The following ARHGEF28 variants were observed in gnomAD, a reference collection of about 807,000 sequenced individuals.
The protein encoded by ARHGEF28 is Rho guanine nucleotide exchange factor 28, also known as 190 kDa guanine nucleotide exchange factor.
In ARHGEF28, 152 loss-of-function variants were observed where a neutral mutation model predicts 206.6. The observed-to-expected ratio is 0.74, with a 90% CI of 0.64 to 0.84. The LOEUF (loss-of-function observed/expected upper bound fraction) is 0.84, where lower values mean the gene tolerates loss of function less well. ARHGEF28 is among the 40% of genes least tolerant of loss of function. The probability of loss-of-function intolerance (pLI) is 0.00; values close to 1 mark genes in which losing one functional copy is unlikely to be tolerated. For synonymous variants in ARHGEF28, 763 were observed against 776.4 expected, an observed-to-expected ratio of 0.98 and a Z score of 0.29; for missense variants, 2,028 against 2,073.2, an observed-to-expected ratio of 0.98 and a Z score of 0.42.
intron 35 of ARHGEF28, among the ~76,000 whole-genome samples, chr5:73,917,570 CAG>C (rs1763279342): frequency 6.6e-6 from 1 of 152,214 alleles, no homozygotes; most frequent in South Asian, 2.1e-4. Context: ...CCAACTGGGC[CAG>C]GGCCATCCCG....
At chr5:73,690,525 CAAAAAAAA>C (rs71615796) in intron 2 of ARHGEF28, among the ~76,000 whole-genome samples, 31 of 23,374 alleles carry the variant, frequency 1.3e-3, no homozygotes, top group African/African-American at 2.7e-3. Flanking sequence ...TCTGTCTTTA[CAAAAAAAA>C]AAAAAAAAAA....
intron 1 of ARHGEF28, among the ~76,000 whole-genome samples, chr5:73,634,924 T>G (rs1203270710): frequency 6.6e-6 from 1 of 152,190 alleles, no homozygotes; most frequent in Admixed American, 6.5e-5. Context: ...AAATAAAAAT[T>G]TTAGTATCCT....
At chr5:73,838,881 C>T (rs1012669847) in intron 10 of ARHGEF28, among the ~76,000 whole-genome samples, 1 of 151,672 alleles carries the variant, frequency 6.6e-6, no homozygotes, top group Non-Finnish European at 1.5e-5. Context: ...ATAATGTTCC[C>T]TGTGGCAAAA....
chr5:73,790,274 C>CA (rs1160196471), intron 7 of ARHGEF28, among the ~76,000 whole-genome samples: 14 of 148,672 alleles, frequency 9.4e-5, no homozygotes, highest in Admixed American at 3.3e-4. Flanking sequence ...AACCTCCAGA[C>CA]AAAAAAAACT....
intron 1 of ARHGEF28, among the ~76,000 whole-genome samples, chr5:73,674,201 A>G (rs1025463134): frequency 2.6e-5 from 4 of 151,948 alleles, no homozygotes; most frequent in Non-Finnish European, 5.9e-5. Context: ...AACAAAACAT[A>G]CCATAGCTGA....
intron 35 of ARHGEF28, among the ~76,000 whole-genome samples, chr5:73,923,627 C>T (rs1763644918): frequency 6.6e-6 from 1 of 152,112 alleles, no homozygotes; most frequent in Non-Finnish European, 1.5e-5. Flanking sequence ...GTCCCTTCAC[C>T]CCCTCTACCA....
At chr5:73,921,058 A>G (rs1763497896) in intron 35 of ARHGEF28, among the ~76,000 whole-genome samples, 1 of 152,190 alleles carries the variant, frequency 6.6e-6, no homozygotes, top group Non-Finnish European at 1.5e-5. Flanking sequence ...TTCTTCTGCT[A>G]AATCCTACTT....
rs1437206854 is a variant in ARHGEF28, at chr5:73,887,574, T to C, written c.3311-29T>C. 3.3e-6 allele frequency: 5 copies of C among 1,498,270 alleles called. No homozygotes were observed. In the Admixed American group the frequency reaches 8.5e-5, roughly 26 times the overall value. 92.8% of individuals were successfully genotyped at this position (1,498,270 alleles called of 1,614,324 possible). On this transcript the variant is annotated intron_variant, in intron 25 of 35. Transcript: ENST00000513042. ...TTTATTTGAACTGTGGTTTGCTTCA[T>C]TAATACTAGTAATGTTTTTTCTTTA...
Position 73,751,378 on chromosome 5 carries a change from C to T in ARHGEF28, c.181+1394C>T, listed in dbSNP as rs1752011197. Among the ~76,000 whole-genome samples, 5 of 152,158 alleles carry T rather than the reference C, an allele frequency of 3.3e-5. No homozygotes were observed. The South Asian group carries it at 1.0e-3, about 32-fold the overall frequency. On this transcript the variant is annotated intron_variant, in intron 3 of 35. Transcript: ENST00000513042. ...TGAGCTGAGATCATGTCACTGCACT[C>T]CAGCCTGGGAGACAGAGCGAGACTC...
At position 73,774,065 on chromosome 5, in the gene ARHGEF28, C is replaced by T. The variant is rs748379407; in HGVS notation, c.659+27C>T. The T allele has an allele frequency of 3.3e-6, 5 of 1,535,462 alleles. No homozygotes were observed. The South Asian group carries it at 5.0e-5, about 15-fold the overall frequency. On this transcript the variant is annotated intron_variant, in intron 5 of 35. Coordinates refer to ENST00000513042, the MANE Select transcript of ARHGEF28 (RefSeq NM_001177693.2). ...TGAGTTTAGCTACTTGATAGTCTCT[C>T]TCTTATTTGTATAAAGTCGGCCAAG...
chr5:73,837,532 G>A (rs1393701986), intron 10 of ARHGEF28, among the ~76,000 whole-genome samples: 2 of 151,726 alleles, frequency 1.3e-5, no homozygotes, highest in East Asian at 3.9e-4. Flanking sequence ...TGTAACTATA[G>A]TATTTCCATT....
chr5:73,901,070 T>C, intron 30 of ARHGEF28, 114 bp from the exon 31 acceptor site: 1 of 762,946 alleles, frequency 1.3e-6, no homozygotes, highest in East Asian at 2.9e-5. Context: ...ATATGTATTA[T>C]TTTGTGGTGT....
intron 9 of ARHGEF28, among the ~76,000 whole-genome samples, chr5:73,814,985 A>G (rs1756096354): frequency 6.6e-6 from 1 of 152,112 alleles, no homozygotes; most frequent in South Asian, 2.1e-4. Context: ...TCAATATACA[A>G]TTTTAAGACA....
rs757296416 is a variant in ARHGEF28, at chr5:73,752,997, C to T, written c.270C>T (p.Thr90=). 2 of 1,613,520 alleles carry T rather than the reference C, an allele frequency of 1.2e-6. No individual in the cohort carries two copies. The highest frequency in any genetic ancestry group is 1.7e-6 in the Non-Finnish European group (2 of 1,179,704). ...TGACCATGGGCTCTGGCTCAGTGACCTACGTGGACAACATGGCTTGCAGGC... is the reference window on the plus strand; with the variant it reads ...TGACCATGGGCTCTGGCTCAGTGACTTACGTGGACAACATGGCTTGCAGGC... ...SPVTMGSGSV[T]YVDNMACRLA... Residue 90 remains threonine (T), a synonymous_variant, in exon 4 of 36, where the codon ACC becomes ACT. Coordinates refer to ENST00000513042, the MANE Select transcript of ARHGEF28 (RefSeq NM_001177693.2).
intron 2 of ARHGEF28, among the ~76,000 whole-genome samples, chr5:73,690,406 T>C (rs550154194): frequency 1.3e-5 from 2 of 152,016 alleles, no homozygotes; most frequent in Admixed American, 6.5e-5. Context: ...TTATATTTTA[T>C]TTTTGTATAA....
chr5:73,716,994 A>G (rs1413865755), intron 2 of ARHGEF28, among the ~76,000 whole-genome samples: 4 of 152,076 alleles, frequency 2.6e-5, no homozygotes, highest in African/African-American at 9.7e-5. Flanking sequence ...GTGACTTTTT[A>G]ATATCCTTGA....
chr5:73,671,725 TATATATATATATA>T (rs1188682790), intron 1 of ARHGEF28, among the ~76,000 whole-genome samples: 2 of 8,154 alleles, frequency 2.5e-4, no homozygotes, highest in African/African-American at 1.5e-3. Context: ...TATATATATA[TATATATATATATA>T]TTTTTTTTTT....
Position 73,886,115 on chromosome 5 carries a change from T to C in ARHGEF28, c.3310+11T>C. ...CAGGTCGTTTCAAAGGTACTGTGGC[T>C]CTACCAGACCAATTTCTCCCTTCAT... On this transcript the variant is annotated intron_variant, in intron 25 of 35. Transcript: ENST00000513042. 1 of 1,596,974 alleles carries C rather than the reference T, an allele frequency of 6.3e-7. No individual in the cohort carries two copies. Among genetic ancestry groups the C allele is most frequent in the South Asian group, 1.1e-5 (1 of 87,764 alleles).
chr5:73,796,848 T>C (rs1191760434), intron 9 of ARHGEF28, among the ~76,000 whole-genome samples: 1 of 152,244 alleles, frequency 6.6e-6, no homozygotes, highest in Non-Finnish European at 1.5e-5. Context: ...GGGCCATTGC[T>C]GTTACTCACG....
Sources: allele counts gnomAD v4.1 joint callset (sites outside exome capture counted in the v4.1 genomes callset), GRCh38; gene constraint gnomAD v4.1.1; transcripts MANE v1.5; gene names NCBI Gene and HGNC (gene_info 2026-07-23, HGNC 2026-07-21).